Variants in IL22RA2 observed in about 807,000 individuals in gnomAD.
IL22RA2 encodes interleukin 22 receptor subunit alpha 2.
IL22RA2 carries 39 observed loss-of-function variants against 30.7 expected under a neutral mutation model. The observed-to-expected ratio is 1.27, with a 90% confidence interval of 0.98 to 1.66. IL22RA2 has a LOEUF of 1.66. Ranked by LOEUF, IL22RA2 falls within the 40% of genes most tolerant of loss-of-function variation. The pLI is 0.00. For missense variants in IL22RA2, 315 were observed against 312.7 expected, an observed-to-expected ratio of 1.01 and a Z score of -0.05; for synonymous variants, 103 against 105.0, an observed-to-expected ratio of 0.98 and a Z score of 0.11.
intron 5 of IL22RA2, among the ~76,000 whole-genome samples, chr6:137,148,732 C>A (rs775732980): frequency 3.9e-5 from 6 of 152,104 alleles, no homozygotes; most frequent in Non-Finnish European, 7.4e-5. Context: ...TAATTTGGAA[C>A]CATAAGTTTT....
chr6:137,158,544 T>C lies in IL22RA2; in HGVS notation c.62-62A>G, dbSNP rs140270270. On this transcript the variant is annotated intron_variant, in intron 2 of 6. Coordinates refer to ENST00000296980, the MANE Select transcript of IL22RA2 (RefSeq NM_052962.3). ...CTTGGAGCACTGCTGTTCCCAGCAG[T>C]AGTTTTCAGTGGAATACCTGCATCA... The C allele has an allele frequency of 3.3e-5, 52 of 1,553,596 alleles. No individual in the cohort carries two copies. The Middle Eastern group carries it at 5.1e-4, about 15-fold the overall frequency.
intron 1 of IL22RA2, among the ~76,000 whole-genome samples, chr6:137,170,346 T>C (rs1349104228): frequency 6.6e-6 from 1 of 152,192 alleles, no homozygotes; most frequent in Non-Finnish European, 1.5e-5. Flanking sequence ...ATGTGACCCC[T>C]GCCTTACATT....
intron 6 of IL22RA2, among the ~76,000 whole-genome samples, chr6:137,146,981 G>A (rs1480225375): frequency 6.6e-6 from 1 of 150,590 alleles, no homozygotes; most frequent in African/African-American, 2.4e-5. Flanking sequence ...GGGTGACAGA[G>A]TCAGACCCTG....
rs761985099 is a variant in IL22RA2 at position 137,158,490 on chromosome 6, A to T, written c.62-8T>A. ...CATGCGTTGACTGAGTTCCTAAGATAATAAGAGAAGGAAGAACATTGAACG... is the reference window on the plus strand; with the variant it reads ...CATGCGTTGACTGAGTTCCTAAGATTATAAGAGAAGGAAGAACATTGAACG... On this transcript the variant is annotated splice_polypyrimidine_tract_variant and splice_region_variant and intron_variant, in intron 2 of 6. Transcript: ENST00000296980. The T allele has an allele frequency of 6.2e-7, 1 of 1,613,870 alleles. No homozygotes were observed. Among genetic ancestry groups the T allele is most frequent in the South Asian group, 1.1e-5 (1 of 91,084 alleles).
intron 1 of IL22RA2, among the ~76,000 whole-genome samples, chr6:137,164,778 AT>A (rs1480638930): frequency 4.6e-5 from 7 of 152,206 alleles, no homozygotes; most frequent in African/African-American, 1.7e-4. Context: ...ATGGGGACAA[AT>A]TTATTTGAAT....
chr6:137,169,287 T>G (rs143203777), intron 1 of IL22RA2, among the ~76,000 whole-genome samples: 11 of 152,364 alleles, frequency 7.2e-5, no homozygotes, highest in African/African-American at 2.4e-4. Context: ...TGTGTCACTT[T>G]AATCCCTTTT....
chr6:137,164,939 C>A (rs1582609507), intron 1 of IL22RA2, among the ~76,000 whole-genome samples: 2 of 151,988 alleles, frequency 1.3e-5, no homozygotes, highest in Admixed American at 6.5e-5. Flanking sequence ...TCCTAACTCA[C>A]AATCCTACCT....
At position 137,155,003 on chromosome 6, in the gene IL22RA2, G is replaced by A. The variant is rs141572567; in HGVS notation, c.410C>T (p.Ala137Val). The A allele has an allele frequency of 2.1e-5, 34 of 1,613,882 alleles. No individual in the cohort carries two copies. Among genetic ancestry groups the A allele is most frequent in the Admixed American group, 1.7e-4 (10 of 60,000 alleles). ...IQEPYYGRVR[A>V]ASAGSYSEWS... ...TTCTGAGTAGCTCCCAGCCGAGGCC[G>A]CCCTCACCCTCCCGTAATAAGGTTC... Residue 137 changes from alanine to valine, a missense_variant, in exon 5 of 7, where the codon GCG (alanine) becomes GTG (valine). Ala to Val is a moderately conservative substitution (Grantham distance 64). Coordinates refer to ENST00000296980, the MANE Select transcript of IL22RA2 (RefSeq NM_052962.3).
At chr6:137,158,643 A>G (rs1304186227) in intron 2 of IL22RA2, among the ~76,000 whole-genome samples, 161 bp from the exon 3 acceptor site, 1 of 152,210 alleles carries the variant, frequency 6.6e-6, no homozygotes, top group African/African-American at 2.4e-5. Context: ...TGAATCTTCA[A>G]TGCAATGATT....
chr6:137,147,679 C>G (rs1215225561), intron 6 of IL22RA2, 43 bp downstream of exon 6: 6 of 1,411,038 alleles, frequency 4.3e-6, no homozygotes, highest in Non-Finnish European at 4.8e-6. Context: ...GTTAAATAAA[C>G]AAAAGAAAAA....
chr6:137,161,122 T>C (rs1445132859), intron 2 of IL22RA2, among the ~76,000 whole-genome samples: 1 of 152,244 alleles, frequency 6.6e-6, no homozygotes, highest in Non-Finnish European at 1.5e-5. Flanking sequence ...TTGTGGTCCC[T>C]ATCCTGTGCC....
intron 3 of IL22RA2, among the ~76,000 whole-genome samples, chr6:137,157,145 C>A (rs1473696199): frequency 6.6e-6 from 1 of 152,102 alleles, no homozygotes; most frequent in Non-Finnish European, 1.5e-5. Context: ...CTTGGGAGTC[C>A]TCTTTAGGAA....
In IL22RA2 at chr6:137,155,129, G is replaced by A. The variant is rs200983264; in HGVS notation, c.294-10C>T. The stretch of plus-strand genomic sequence containing the variant: ...TTGTCTCTGTCCATATCTGTAGCAG[G>A]GAAAAGGCAAAGATCTGAGTTTCTT... On this transcript the variant is annotated splice_polypyrimidine_tract_variant and intron_variant, in intron 4 of 6. Transcript: ENST00000296980. 5.9e-6 allele frequency: 9 copies of A among 1,515,470 alleles called. No individual in the cohort carries two copies. Among genetic ancestry groups the A allele is most frequent in the Non-Finnish European group, 8.0e-6 (9 of 1,131,862 alleles). The allele number at this position is 1,515,470 out of a possible 1,614,324, so 93.9% of individuals were successfully genotyped here. A position where few individuals can be genotyped will look rare whatever the true frequency, so the allele number is the denominator to read the frequency against.
chr6:137,161,823 T>C lies in IL22RA2; in HGVS notation c.-65-9A>G. The C allele has an allele frequency of 8.4e-7, 1 of 1,189,456 alleles. No homozygotes were observed. Among genetic ancestry groups the C allele is most frequent in the Non-Finnish European group, 1.2e-6 (1 of 810,058 alleles). 73.7% of individuals were successfully genotyped at this position (1,189,456 alleles called of 1,614,324 possible). ...CAGGACCAAAGAGGAAACTGTAAAA[T>C]CCACAAACAGACAATCACTCCCGGG... On this transcript the variant is annotated splice_polypyrimidine_tract_variant and intron_variant, in intron 1 of 6. Transcript: ENST00000296980.
intron 5 of IL22RA2, among the ~76,000 whole-genome samples, chr6:137,151,995 A>G (rs1294426867): frequency 6.6e-6 from 1 of 152,230 alleles, no homozygotes; most frequent in Non-Finnish European, 1.5e-5. Context: ...ATGATTAAAT[A>G]TAGAGTTACT....
rs1562266431 is a variant in IL22RA2, at chr6:137,145,232, C to T, written c.*392G>A. The T allele has an allele frequency of 6.4e-6, 1 of 155,378 alleles. No homozygotes were observed. Among genetic ancestry groups the T allele is most frequent in the Non-Finnish European group, 1.4e-5 (1 of 70,394 alleles). The allele number at this position is 155,378 out of a possible 1,614,324, so 9.6% of individuals were successfully genotyped here. A position where few individuals can be genotyped will look rare whatever the true frequency, so the allele number is the denominator to read the frequency against. On this transcript the variant is annotated 3_prime_UTR_variant, in exon 7 of 7. Transcript: ENST00000296980. ...AAAAACCATTGCTTCAGGACCGCCT[C>T]AGTCTGTAATGCTATTTTAAAAAAA...
chr6:137,162,973 C>T (rs951834996), intron 1 of IL22RA2, among the ~76,000 whole-genome samples: 2 of 151,932 alleles, frequency 1.3e-5, no homozygotes, highest in Non-Finnish European at 2.9e-5. Flanking sequence ...AAAGTGTGAC[C>T]CCCCACCTTA....
intron 1 of IL22RA2, among the ~76,000 whole-genome samples, chr6:137,168,581 G>A (rs568625673): frequency 1.3e-5 from 2 of 152,288 alleles, no homozygotes; most frequent in African/African-American, 4.8e-5. Flanking sequence ...CCGAAAAAGA[G>A]TGCCCTGATT....
intron 5 of IL22RA2, among the ~76,000 whole-genome samples, chr6:137,154,506 T>C (rs1778356269): frequency 1.3e-5 from 2 of 151,954 alleles, no homozygotes; most frequent in Non-Finnish European, 2.9e-5. Context: ...TCCTAGCTAC[T>C]CGGGAGGCAG....
Sources: gnomAD v4.1 joint callset for allele counts (sites outside exome capture counted in the v4.1 genomes callset) on GRCh38, gnomAD v4.1.1 for gene constraint, MANE v1.5 for transcripts, NCBI Gene and HGNC (gene_info 2026-07-23, HGNC 2026-07-21) for gene names.